Variants in E2F3 observed in about 807,000 individuals in gnomAD.
E2F3 encodes transcription factor E2F3.
E2F3 carries 11 observed loss-of-function variants against 44.4 expected under a neutral mutation model. The observed-to-expected ratio is 0.25, with a 90% CI of 0.16 to 0.41. The LOEUF (loss-of-function observed/expected upper bound fraction) is 0.41. Ranked by LOEUF, E2F3 falls within the 10% of genes least tolerant of loss-of-function variation. The probability of loss-of-function intolerance (pLI) is 1.00; values close to 1 mark genes in which losing one functional copy is unlikely to be tolerated. For synonymous variants in E2F3, 249 were observed against 253.0 expected, an observed-to-expected ratio of 0.98 and a Z score of 0.15; for missense variants, 487 against 583.6, an observed-to-expected ratio of 0.83 and a Z score of 1.70.
Position 20,402,521 on chromosome 6 carries a change from A to G in E2F3, c.289A>G (p.Ser97Gly), listed in dbSNP as rs767586218. ...SAPGAEQTAG[S>G]LLYTTPHGPS... ...CCCCGGCGCGGAGCAGACCGCCGGC[A>G]GCCTCCTCTACACCACGCCGCACGG... Residue 97 changes from serine (S) to glycine (G), a missense_variant, in exon 1 of 7, where the codon AGC (serine) becomes GGC (glycine). Physicochemically the swap from Ser to Gly is moderately conservative, Grantham distance 56 (BLOSUM62 0). Coordinates refer to ENST00000346618, the MANE Select transcript of E2F3 (RefSeq NM_001949.5). This position sits in a 1 kb window ranked among gnomAD's most constrained non-coding sequence, Gnocchi z 5.6. The G allele has an allele frequency of 5.0e-6, 8 of 1,600,356 alleles. 1 individual carries two copies. In the South Asian group the frequency reaches 6.6e-5, roughly 13 times the overall value.
chr6:20,413,843 G>A (rs532301286), intron 1 of E2F3, among the ~76,000 whole-genome samples: 189 of 152,312 alleles, frequency 1.2e-3, no homozygotes, highest in African/African-American at 4.4e-3. Context: ...CAACAATGAT[G>A]GTGTGAAAAG....
At chr6:20,436,391 A>G (rs187530418) in intron 1 of E2F3, among the ~76,000 whole-genome samples, 116 of 152,234 alleles carry the variant, frequency 7.6e-4, no homozygotes, top group African/African-American at 2.4e-3. Flanking sequence ...CCACGTTGGA[A>G]GAAGACTTCT....
intron 1 of E2F3, among the ~76,000 whole-genome samples, chr6:20,406,554 G>A (rs1759499795): frequency 6.6e-6 from 1 of 152,010 alleles, no homozygotes; most frequent in African/African-American, 2.4e-5. Flanking sequence ...AATTAATTTG[G>A]GCTTTTAAAT....
intron 1 of E2F3, among the ~76,000 whole-genome samples, chr6:20,411,010 G>A (rs576302073): frequency 6.6e-5 from 10 of 152,294 alleles, no homozygotes; most frequent in Non-Finnish European, 1.5e-4. Context: ...GAAGTAAACC[G>A]TGGAATGGCT....
At chr6:20,457,777 A>G (rs1334617975) in intron 1 of E2F3, among the ~76,000 whole-genome samples, 3 of 152,150 alleles carry the variant, frequency 2.0e-5, no homozygotes, top group African/African-American at 7.2e-5. Context: ...TAGACGTCAT[A>G]GTTTGTTATT....
chr6:20,423,510 G>A (rs1002770117), intron 1 of E2F3, among the ~76,000 whole-genome samples: 15 of 152,108 alleles, frequency 9.9e-5, no homozygotes, highest in Non-Finnish European at 2.1e-4. Context: ...TGCTCTTGTC[G>A]CCCAGGTTGG....
At position 20,490,690 on chromosome 6, in the gene E2F3, A is replaced by C. The variant is rs1762531429; in HGVS notation, c.*260A>C. 1 of 312,548 alleles carries C rather than the reference A, an allele frequency of 3.2e-6. No individual in the cohort carries two copies. Among genetic ancestry groups the C allele is most frequent in the South Asian group, 1.1e-4 (1 of 8,786 alleles). 19.4% of individuals were successfully genotyped at this position (312,548 alleles called of 1,614,324 possible). A position where few individuals can be genotyped will look rare whatever the true frequency, so the allele number is the denominator to read the frequency against. On this transcript the variant is annotated 3_prime_UTR_variant, in exon 7 of 7. Coordinates refer to ENST00000346618, the MANE Select transcript of E2F3 (RefSeq NM_001949.5). The surrounding 1 kb of genome is among the most constrained non-coding windows in gnomAD (Gnocchi z 4.3). ...TCCAAGATCTCCTGGCTAAGTCAGC[A>C]AGTGAGAAAATGTGCAATCAGGTGT...
chr6:20,466,685 CT>C (rs35856468), intron 1 of E2F3, among the ~76,000 whole-genome samples: 89,151 of 127,366 alleles, frequency 0.7, 30,334 homozygotes, highest in Non-Finnish European at 0.72. Flanking sequence ...TCGGTGTGTT[CT>C]TTTTTTTTTT....
At chr6:20,465,522 A>G (rs1190208389) in intron 1 of E2F3, among the ~76,000 whole-genome samples, 1 of 152,004 alleles carries the variant, frequency 6.6e-6, no homozygotes, top group Non-Finnish European at 1.5e-5. Context: ...TACATGAGTA[A>G]GTTCTTTAGT....
rs372602975 is a variant in E2F3, at chr6:20,487,906, CCACT to C, written c.1000-206_1000-203del. Among the ~76,000 whole-genome samples, 90 of 152,322 alleles carry C rather than the reference CCACT, an allele frequency of 5.9e-4. 1 individual carries two copies. The highest frequency in any genetic ancestry group is 3.4e-3 in the Middle Eastern group (1 of 294). ...TTCCAATAAAACTTTATTTACAAAG[CCACT>C]TGGTGAACTGGATTTGGCCCTTAGG... On this transcript the variant is annotated intron_variant, in intron 5 of 6. Coordinates refer to ENST00000346618, the MANE Select transcript of E2F3 (RefSeq NM_001949.5).
At chr6:20,431,531 G>C (rs1012304564) in intron 1 of E2F3, among the ~76,000 whole-genome samples, 9 of 152,064 alleles carry the variant, frequency 5.9e-5, no homozygotes, top group Non-Finnish European at 1.3e-4. Context: ...AACACCCCAG[G>C]GCCACCCTCT....
At chr6:20,416,303 C>G (rs1387340372) in intron 1 of E2F3, among the ~76,000 whole-genome samples, 1 of 152,210 alleles carries the variant, frequency 6.6e-6, no homozygotes, top group Non-Finnish European at 1.5e-5. Context: ...GCCCCAGTTT[C>G]AACCACAGGG....
At chr6:20,464,083 T>C (rs1761620518) in intron 1 of E2F3, among the ~76,000 whole-genome samples, 1 of 152,142 alleles carries the variant, frequency 6.6e-6, no homozygotes, top group Non-Finnish European at 1.5e-5. Context: ...TTCCATGCCC[T>C]CCCCAGGTGT....
chr6:20,436,582 G>A (rs1164694126), intron 1 of E2F3, among the ~76,000 whole-genome samples: 2 of 152,258 alleles, frequency 1.3e-5, no homozygotes, highest in Non-Finnish European at 2.9e-5. Flanking sequence ...CCCGTGGGCC[G>A]GAGGTTGGAC....
In E2F3 at chr6:20,490,226, T is replaced by A; in HGVS notation, c.1194T>A (p.Ser398=). ...GCTCAGTTTCTATGGGAAACCTTTC[T>A]CCTCTGGCCTCCCCAGCCAACCTCT... is the stretch of plus-strand genomic sequence containing the variant. ...SDCSVSMGNL[S]PLASPANLLQ... Residue 398 remains serine (S), a synonymous_variant, in exon 7 of 7, where the codon TCT becomes TCA. Coordinates refer to ENST00000346618, the MANE Select transcript of E2F3 (RefSeq NM_001949.5). This position sits in a 1 kb window ranked among gnomAD's most constrained non-coding sequence, Gnocchi z 4.3. 6.2e-7 allele frequency: 1 copy of A among 1,614,026 alleles called. No homozygotes were observed. Among genetic ancestry groups the A allele is most frequent in the Non-Finnish European group, 8.5e-7 (1 of 1,179,970 alleles).
At chr6:20,482,946 G>T (rs981905727) in intron 4 of E2F3, 26 bp downstream of exon 4, 2 of 1,612,426 alleles carry the variant, frequency 1.2e-6, no homozygotes, top group Non-Finnish European at 1.7e-6. Context: ...CCAGTTCTCT[G>T]GGGGTTAGTG....
At position 20,493,364 on chromosome 6, in the gene E2F3, G is replaced by GGAGGGATAT. The variant is rs1353846203; in HGVS notation, c.*2937_*2945dup. The stretch of plus-strand genomic sequence containing the variant: ...GCATGACAACTCGTGTGTATGAGAA[G>GGAGGGATAT]GAGGGATATGAAGGAAGATGGCTTG... On this transcript the variant is annotated 3_prime_UTR_variant, in exon 7 of 7. Transcript: ENST00000346618. 1.3e-5 allele frequency: 3 copies of GGAGGGATAT among 226,350 alleles called. No homozygotes were observed. Among genetic ancestry groups the GGAGGGATAT allele is most frequent in the African/African-American group, 6.7e-5 (3 of 44,918 alleles). 14.0% of individuals were successfully genotyped at this position (226,350 alleles called of 1,614,324 possible).
chr6:20,457,353 T>TTTC (rs1554138874), intron 1 of E2F3, among the ~76,000 whole-genome samples: 1 of 145,876 alleles, frequency 6.9e-6, no homozygotes, highest in African/African-American at 2.5e-5. Context: ...TTTTTCTTTT[T>TTTC]TTTTTTTTTT....
At chr6:20,450,211 C>T (rs1278433242) in intron 1 of E2F3, among the ~76,000 whole-genome samples, 1 of 152,148 alleles carries the variant, frequency 6.6e-6, no homozygotes, top group African/African-American at 2.4e-5. Context: ...CACTGCTTTC[C>T]ATAATGGTTG....
Sources: allele counts gnomAD v4.1 joint callset (sites outside exome capture counted in the v4.1 genomes callset), GRCh38; gene constraint gnomAD v4.1.1; non-coding constraint Gnocchi (gnomAD v3.1); transcripts MANE v1.5; gene names NCBI Gene and HGNC (gene_info 2026-07-23, HGNC 2026-07-21).